Variants in RIPOR2 observed in about 807,000 individuals in gnomAD.
RIPOR2 encodes the protein RHO family interacting cell polarization regulator 2.
RIPOR2 carries 39 observed loss-of-function variants against 114.5 expected under a neutral mutation model. The observed-to-expected ratio is 0.34, with a 90% CI of 0.26 to 0.44. The LOEUF is 0.44. RIPOR2 is among the 20% of genes least tolerant of loss of function. RIPOR2 has a pLI of 1.00. For synonymous variants in RIPOR2, 445 were observed against 484.4 expected, an observed-to-expected ratio of 0.92 and a Z score of 1.07; for missense variants, 1,007 against 1,255.1, an observed-to-expected ratio of 0.80 and a Z score of 2.99.
intron 1 of RIPOR2, chr6:25,023,621 T>C: frequency 1.3e-6 from 1 of 763,632 alleles, no homozygotes; most frequent in Non-Finnish European, 2.4e-6. Context: ...ATGAGTGTGG[T>C]AAAGGATGGT....
intron 18 of RIPOR2, among the ~76,000 whole-genome samples, chr6:24,826,494 A>ATTT (rs10624769): frequency 1.9e-3 from 287 of 148,256 alleles, no homozygotes; most frequent in South Asian, 4.9e-3. Flanking sequence ...ATTTATTTAG[A>ATTT]TTTTTTTTTT....
chr6:24,904,710 G>T (rs1298648248), intron 1 of RIPOR2, among the ~76,000 whole-genome samples: 1 of 152,228 alleles, frequency 6.6e-6, no homozygotes, highest in Admixed American at 6.5e-5. Flanking sequence ...CTTCCTGGCT[G>T]GCTTTTTCCT....
rs554199329 is a variant in RIPOR2, at chr6:24,889,624, T to A, written c.62-13807A>T. ...CATCTGATAAAAGCACAGAAATGCT[T>A]GTTAAATTTAAAATATATATATTTT... On this transcript the variant is annotated intron_variant, in intron 1 of 21. Coordinates refer to ENST00000643898, the MANE Select transcript of RIPOR2 (RefSeq NM_001286445.3). 4.6e-3 allele frequency among the ~76,000 whole-genome samples: 694 copies of A among 152,160 alleles called. 3 individuals are homozygous for A. Among genetic ancestry groups the A allele is most frequent in the South Asian group, 0.014 (67 of 4,822 alleles).
At position 24,818,576 on chromosome 6, in the gene RIPOR2, T is replaced by C; in HGVS notation, c.2918A>G (p.Gln973Arg). 1 of 1,550,466 alleles carries C rather than the reference T, an allele frequency of 6.4e-7. No individual in the cohort carries two copies. The highest frequency in any genetic ancestry group is 8.7e-7 in the Non-Finnish European group (1 of 1,146,128). The change falls in exon 20 of 22, where the codon CAG becomes CGG. Residue 973 changes from glutamine to arginine, a missense_variant. By Grantham distance (43) the Gln-to-Arg change is conservative. Coordinates refer to ENST00000643898, the MANE Select transcript of RIPOR2 (RefSeq NM_001286445.3). ...TTTCAGAGCCAGGCAAGCTGCTTTC[T>C]GGAGCTGGAGGTTTGTCTTTGTTAG... ...EALTKTNLQL[Q>R]KAACLALKIL...
intron 1 of RIPOR2, among the ~76,000 whole-genome samples, chr6:24,893,731 T>C (rs1767583935): frequency 6.6e-6 from 1 of 152,194 alleles, no homozygotes; most frequent in Non-Finnish European, 1.5e-5. Context: ...GGAGCATCCT[T>C]CTTGGATATG....
chr6:24,849,382 C>T (rs750108585), intron 11 of RIPOR2, among the ~76,000 whole-genome samples: 34 of 152,186 alleles, frequency 2.2e-4, no homozygotes, highest in Non-Finnish European at 4.1e-4. Context: ...TGAAGTTATG[C>T]GATAAAGAGG....
chr6:24,876,914 C>A, intron 1 of RIPOR2: 14 of 953,774 alleles, frequency 1.5e-5, no homozygotes, highest in Non-Finnish European at 1.6e-5. Flanking sequence ...TTAGGTAATT[C>A]TATTCCTTTT....
chr6:24,955,499 T>G (rs1772988169), intron 1 of RIPOR2, among the ~76,000 whole-genome samples: 1 of 51,304 alleles, frequency 1.9e-5, no homozygotes, highest in Non-Finnish European at 9.5e-5. Context: ...TAGTTAGCCC[T>G]TTTTCATTCC....
chr6:24,936,697 C>T (rs753278195), upstream of RIPOR2, among the ~76,000 whole-genome samples: 6 of 152,164 alleles, frequency 3.9e-5, no homozygotes, highest in Non-Finnish European at 5.9e-5. Context: ...AGCTTCTACG[C>T]GAGCACCATT....
intron 17 of RIPOR2, among the ~76,000 whole-genome samples, chr6:24,828,742 TA>T (rs1760412901): frequency 6.7e-6 from 1 of 148,496 alleles, no homozygotes; most frequent in South Asian, 2.1e-4. Context: ...AGGAGAGAGA[TA>T]AAAAGGAGGA....
chr6:24,886,282 ACGGACATTTG>A, intron 1 of RIPOR2, among the ~76,000 whole-genome samples: 1 of 152,336 alleles, frequency 6.6e-6, no homozygotes, highest in African/African-American at 2.4e-5. Context: ...TCCTAAAATC[ACGGACATTTG>A]CAGACATTTG....
chr6:24,846,301 C>CTTTTTTT (rs1233193249), intron 12 of RIPOR2, among the ~76,000 whole-genome samples: 2 of 91,718 alleles, frequency 2.2e-5, no homozygotes, highest in Admixed American at 1.5e-4. Context: ...TTTCACCTGC[C>CTTTTTTT]TTTTTTTTTT....
intron 7 of RIPOR2, among the ~76,000 whole-genome samples, chr6:24,862,964 T>C (rs1764220691): frequency 6.6e-6 from 1 of 152,098 alleles, no homozygotes; most frequent in African/African-American, 2.4e-5. Flanking sequence ...TGCTTTTTTG[T>C]TTTTTTGAGA....
chr6:24,956,069 T>G (rs1397238851), intron 1 of RIPOR2, among the ~76,000 whole-genome samples: 1 of 151,692 alleles, frequency 6.6e-6, no homozygotes, highest in Non-Finnish European at 1.5e-5. Context: ...CATATCCATA[T>G]TGAAAATGTT....
chr6:24,946,161 C>A (rs1772395659), intron 1 of RIPOR2, among the ~76,000 whole-genome samples: 1 of 151,868 alleles, frequency 6.6e-6, no homozygotes, highest in Admixed American at 6.6e-5. Context: ...CAGCTCACTG[C>A]AACCTCCACC....
At chr6:25,004,734 A>AT (rs1486236842) in intron 1 of RIPOR2, among the ~76,000 whole-genome samples, 1 of 151,692 alleles carries the variant, frequency 6.6e-6, no homozygotes, top group East Asian at 1.9e-4. Flanking sequence ...AAGCCATGCC[A>AT]TTTTTTTGTT....
chr6:24,886,242 A>G (rs910463452), intron 1 of RIPOR2, among the ~76,000 whole-genome samples: 3 of 152,184 alleles, frequency 2.0e-5, no homozygotes, highest in Admixed American at 2.0e-4. Context: ...ATGTGATGCA[A>G]ATTTACTCTT....
chr6:24,848,561 C>A (rs1171338043), intron 11 of RIPOR2, among the ~76,000 whole-genome samples: 2 of 152,170 alleles, frequency 1.3e-5, no homozygotes, highest in East Asian at 1.9e-4. Context: ...TTGTTCCATT[C>A]TAAAGAAAAC....
chr6:24,909,222 TA>T, intron 1 of RIPOR2, among the ~76,000 whole-genome samples: 1 of 152,024 alleles, frequency 6.6e-6, no homozygotes, highest in East Asian at 1.9e-4. Context: ...GGGCTTCAGA[TA>T]GGGGAGTTCC....
Sources: allele counts gnomAD v4.1 joint callset (sites outside exome capture counted in the v4.1 genomes callset), GRCh38; gene constraint gnomAD v4.1.1; transcripts MANE v1.5; gene names NCBI Gene and HGNC (gene_info 2026-07-23, HGNC 2026-07-21).